ASTN2: variants seen among roughly 807,000 people sequenced by gnomAD.
The protein encoded by ASTN2 is astrotactin 2.
ASTN2 carries 54 observed loss-of-function variants against 139.8 expected under a neutral mutation model. That is an observed-to-expected ratio of 0.39 (90% CI 0.31 to 0.48). ASTN2 has a LOEUF of 0.48. Among genes scored for constraint, ASTN2 ranks in the 20% least tolerant of loss-of-function variants. ASTN2 has a pLI of 0.95. For missense variants in ASTN2, 1,565 were observed against 1,725.1 expected (o/e 0.91, Z 1.64); for synonymous variants, 756 against 719.5 (o/e 1.05, Z -0.81).
intron 4 of ASTN2, among the ~76,000 whole-genome samples, chr9:117,125,475 C>T (rs1436682160): frequency 6.6e-6 from 1 of 152,148 alleles, no homozygotes; most frequent in Non-Finnish European, 1.5e-5. Flanking sequence ...CAAATATGTT[C>T]ACATGTGGCA....
At chr9:117,321,842 C>T (rs1405266223) in intron 1 of ASTN2, among the ~76,000 whole-genome samples, 3 of 152,154 alleles carry the variant, frequency 2.0e-5, no homozygotes, top group African/African-American at 4.8e-5. Context: ...TCATTAGACA[C>T]CAGTAGCATT....
At chr9:117,396,806 T>C (rs1257631306) in intron 1 of ASTN2, among the ~76,000 whole-genome samples, 1 of 152,148 alleles carries the variant, frequency 6.6e-6, no homozygotes, top group Non-Finnish European at 1.5e-5. Context: ...CCTCAAGTGA[T>C]CTGCCCGTCT....
At chr9:117,294,837 T>G (rs1834688922) in intron 1 of ASTN2, among the ~76,000 whole-genome samples, 1 of 152,186 alleles carries the variant, frequency 6.6e-6, no homozygotes, top group South Asian at 2.1e-4. Flanking sequence ...ATGAGTACTT[T>G]CTGCCCAACA....
At chr9:116,565,416 T>TCCCTCC (rs1564120538) in intron 19 of ASTN2, among the ~76,000 whole-genome samples, 1 of 129,510 alleles carries the variant, frequency 7.7e-6, no homozygotes, top group African/African-American at 3.0e-5. Context: ...TATATATATA[T>TCCCTCC]ATATATATAT....
intron 10 of ASTN2, among the ~76,000 whole-genome samples, chr9:116,893,844 T>G (rs918969819): frequency 6.6e-6 from 1 of 152,178 alleles, no homozygotes; most frequent in African/African-American, 2.4e-5. Flanking sequence ...GGTTAACTCC[T>G]GCTGATTTAG....
At chr9:116,476,539 C>A (rs948709162) in intron 20 of ASTN2, among the ~76,000 whole-genome samples, 6 of 152,148 alleles carry the variant, frequency 3.9e-5, no homozygotes, top group Admixed American at 3.9e-4. Flanking sequence ...GTATTCATCA[C>A]CATGAATATG....
In ASTN2 at chr9:116,592,022, T is replaced by G. The variant is rs191025924; in HGVS notation, c.3355+26302A>C. On this transcript the variant is annotated intron_variant, in intron 19 of 22. Coordinates refer to ENST00000313400, the MANE Select transcript of ASTN2 (RefSeq NM_001365068.1). ...CAGGTACCCCCTTGGATATCAAAAT[T>G]TGCAGTGGCTCAAGTCTCATATATA... is the stretch of plus-strand genomic sequence containing the variant. Among the ~76,000 whole-genome samples the G allele has an allele frequency of 1.3e-3, 198 of 152,276 alleles. 1 individual carries two copies. Among genetic ancestry groups the G allele is most frequent in the Non-Finnish European group, 2.2e-3 (150 of 68,012 alleles).
chr9:116,794,866 A>C (rs914613210), intron 13 of ASTN2, among the ~76,000 whole-genome samples: 1 of 152,246 alleles, frequency 6.6e-6, no homozygotes, highest in Admixed American at 6.5e-5. Context: ...ACTGATGTGC[A>C]GTCCAGCAAG....
chr9:116,634,967 GA>G (rs140614829), intron 17 of ASTN2, among the ~76,000 whole-genome samples: 15,166 of 151,278 alleles, frequency 0.1, 1,285 homozygotes, highest in East Asian at 0.4. Context: ...AGACTAAGAA[GA>G]AAAAAAAGGA....
At chr9:116,971,430 C>T (rs1207439085) in intron 10 of ASTN2, among the ~76,000 whole-genome samples, 1 of 152,190 alleles carries the variant, frequency 6.6e-6, no homozygotes, top group Non-Finnish European at 1.5e-5. Flanking sequence ...TTAATTCCCT[C>T]AGTCGGATAC....
intron 13 of ASTN2, among the ~76,000 whole-genome samples, chr9:116,775,364 A>G (rs535611473): frequency 6.6e-6 from 1 of 151,804 alleles, no homozygotes; most frequent in Admixed American, 6.6e-5. Context: ...AGACCAGCCC[A>G]TCTTTTCTCA....
At chr9:117,232,724 A>G (rs1481357373) in intron 2 of ASTN2, among the ~76,000 whole-genome samples, 1 of 152,140 alleles carries the variant, frequency 6.6e-6, no homozygotes, top group Non-Finnish European at 1.5e-5. Flanking sequence ...GTTCTCAGCA[A>G]ATTGTTCTGT....
intron 19 of ASTN2, among the ~76,000 whole-genome samples, chr9:116,617,807 G>A (rs993463064): frequency 4.6e-5 from 7 of 152,118 alleles, no homozygotes; most frequent in African/African-American, 1.7e-4. Flanking sequence ...AGAAGAACTC[G>A]GAAATAATGT....
intron 3 of ASTN2, among the ~76,000 whole-genome samples, chr9:117,177,409 G>C (rs565477906): frequency 2.0e-5 from 3 of 152,242 alleles, no homozygotes; most frequent in Admixed American, 6.5e-5. Context: ...TCCACCGCCC[G>C]GTGTTAATGT....
At chr9:116,589,793 A>G (rs1454765185) in intron 19 of ASTN2, among the ~76,000 whole-genome samples, 1 of 152,146 alleles carries the variant, frequency 6.6e-6, no homozygotes, top group African/African-American at 2.4e-5. Flanking sequence ...TGTGGCTTTG[A>G]GCCTGTCATA....
intron 20 of ASTN2, among the ~76,000 whole-genome samples, chr9:116,454,255 T>TA (rs1432329130): frequency 6.6e-6 from 1 of 152,062 alleles, no homozygotes; most frequent in Non-Finnish European, 1.5e-5. Flanking sequence ...TGAACAACTA[T>TA]AAAAAAGACT....
intron 16 of ASTN2, among the ~76,000 whole-genome samples, chr9:116,704,691 T>C (rs562263723): frequency 5.9e-5 from 9 of 152,310 alleles, no homozygotes; most frequent in African/African-American, 2.2e-4. Context: ...TCTTGGCCTC[T>C]TAATTGAAAA....
chr9:116,819,524 C>T (rs1343442429), intron 12 of ASTN2, among the ~76,000 whole-genome samples: 1 of 152,146 alleles, frequency 6.6e-6, no homozygotes, highest in East Asian at 1.9e-4. Context: ...CTGGACTCTA[C>T]ACACTAGAAT....
At chr9:116,590,402 G>A (rs762246123) in intron 19 of ASTN2, among the ~76,000 whole-genome samples, 137 of 152,236 alleles carry the variant, frequency 9.0e-4, no homozygotes, top group Non-Finnish European at 1.2e-3. Context: ...GGGCAGTGCT[G>A]ACATGCCAGC....
Sources: allele counts gnomAD v4.1 joint callset (sites outside exome capture counted in the v4.1 genomes callset), GRCh38; gene constraint gnomAD v4.1.1; transcripts MANE v1.5; gene names NCBI Gene and HGNC (gene_info 2026-07-23, HGNC 2026-07-21).